CCZ1B: variants seen among roughly 807,000 people sequenced by gnomAD.
The protein encoded by CCZ1B is CCZ1B vacuolar protein trafficking and biogenesis associated.
Under a neutral mutation model 58.8 loss-of-function variants are expected in CCZ1B, and 25 were observed. The observed-to-expected ratio is 0.43, with a 90% confidence interval of 0.31 to 0.59. The LOEUF (loss-of-function observed/expected upper bound fraction) is 0.59, where lower values mean the gene tolerates loss of function less well. Ranked by LOEUF, CCZ1B falls within the 20% of genes least tolerant of loss-of-function variation. The pLI is 0.12. For synonymous variants in CCZ1B, 66 were observed against 173.2 expected (o/e 0.38, Z 4.86); for missense variants, 180 against 501.5 (o/e 0.36, Z 6.12).
chr7:6,810,587 G>A (rs964613003), intron 10 of CCZ1B, among the ~76,000 whole-genome samples: 3 of 147,864 alleles, frequency 2.0e-5, no homozygotes, highest in Non-Finnish European at 4.5e-5. Flanking sequence ...TGAGTAGCTG[G>A]GACTACACAT....
chr7:6,814,280 T>C (rs1326490812), intron 8 of CCZ1B, among the ~76,000 whole-genome samples: 2 of 149,550 alleles, frequency 1.3e-5, no homozygotes, highest in African/African-American at 5.1e-5. Flanking sequence ...CTCACGCCTG[T>C]AATCCTAGCA....
intron 10 of CCZ1B, among the ~76,000 whole-genome samples, chr7:6,808,828 C>A (rs1217324884): frequency 6.6e-6 from 1 of 152,014 alleles, no homozygotes; most frequent in East Asian, 1.9e-4. Context: ...CCTGACTCAG[C>A]CTCCTGAGTA....
chr7:6,817,645 T>C (rs1183595941), intron 7 of CCZ1B, among the ~76,000 whole-genome samples: 1 of 149,878 alleles, frequency 6.7e-6, no homozygotes, highest in African/African-American at 2.5e-5. Flanking sequence ...AGTAACATTG[T>C]GTACATATCA....
At position 6,814,444 on chromosome 7, in the gene CCZ1B, G is replaced by A. The variant is rs961869212; in HGVS notation, c.780+320C>T. ...CCAGGTACTAGGGAGGCCGAGGCAA[G>A]GAGAATTGCTTGAACCTCTCCATCC... On this transcript the variant is annotated intron_variant, in intron 8 of 14. Coordinates refer to ENST00000316731, the MANE Select transcript of CCZ1B (RefSeq NM_198097.5). 1.7e-4 allele frequency among the ~76,000 whole-genome samples: 25 copies of A among 149,704 alleles called. 1 individual carries two copies. The highest frequency in any genetic ancestry group is 5.8e-4 in the African/African-American group (23 of 39,684).
chr7:6,818,289 C>G (rs533910906), intron 7 of CCZ1B, among the ~76,000 whole-genome samples: 1 of 149,840 alleles, frequency 6.7e-6, no homozygotes, highest in Admixed American at 6.6e-5. Context: ...TGGCTCACAC[C>G]TGTAATCGCG....
At chr7:6,825,622 C>T (rs1372011330) in intron 1 of CCZ1B, among the ~76,000 whole-genome samples, 8 of 97,924 alleles carry the variant, frequency 8.2e-5, no homozygotes, top group African/African-American at 3.2e-4. Flanking sequence ...AGAAAGTCGC[C>T]GTCCCCACCT....
intron 11 of CCZ1B, chr7:6,805,629 G>A: frequency 3.8e-6 from 1 of 260,668 alleles, no homozygotes; most frequent in East Asian, 1.1e-4. Flanking sequence ...CTGGGTGTGG[G>A]GGCTCACGCC....
chr7:6,803,823 T>G (rs1176339290), intron 12 of CCZ1B, among the ~76,000 whole-genome samples: 1 of 151,232 alleles, frequency 6.6e-6, no homozygotes, highest in Non-Finnish European at 1.5e-5. Flanking sequence ...TAGCCAGGCA[T>G]GATGGCACCC....
Position 6,819,923 on chromosome 7 carries a change from A to G in CCZ1B, c.541T>C (p.Leu181=), listed in dbSNP as rs747352226. The G allele has an allele frequency of 3.7e-6, 6 of 1,606,116 alleles. No individual in the cohort carries two copies. The African/African-American group carries it at 5.6e-5, about 15-fold the overall frequency. ...FFHRYLQTLH[L]QSCDLLDIFG... ...ATGTCAAGTAGGTCACATGACTGCA[A>G]ATGTAGCGTTTGCAAATACTGTGGA... The change falls in exon 7 of 15, where the codon TTG becomes CTG. Residue 181 remains leucine (L), a synonymous_variant. Coordinates refer to ENST00000316731, the MANE Select transcript of CCZ1B (RefSeq NM_198097.5).
At position 6,813,717 on chromosome 7, in the gene CCZ1B, C is replaced by G. The variant is rs1583552553; in HGVS notation, c.781-680G>C. Reference sequence around the variant, plus strand: ...CTGCAGGAAACCAGGAAATTAAGTACTAGAGTGGAAAGCCAGGTAGGCACT... The same window carrying G: ...CTGCAGGAAACCAGGAAATTAAGTAGTAGAGTGGAAAGCCAGGTAGGCACT... On this transcript the variant is annotated intron_variant, in intron 8 of 14. Transcript: ENST00000316731. 2.7e-5 allele frequency among the ~76,000 whole-genome samples: 4 copies of G among 149,592 alleles called. 1 individual carries two copies. The East Asian group carries it at 7.7e-4, about 29-fold the overall frequency.
At chr7:6,818,561 AAGAC>A (rs1352927696) in intron 7 of CCZ1B, among the ~76,000 whole-genome samples, 3 of 97,240 alleles carry the variant, frequency 3.1e-5, no homozygotes, top group African/African-American at 9.4e-5. Context: ...GAAAGAAAGA[AAGAC>A]AGAAAGAAAG....
intron 9 of CCZ1B, chr7:6,812,449 A>T (rs2115116968): frequency 3.9e-6 from 1 of 255,136 alleles, no homozygotes; most frequent in East Asian, 9.7e-5. Context: ...AGATCGTGCC[A>T]CTGTACTCCA....
rs181368269 is a variant in CCZ1B at position 6,814,063 on chromosome 7, T to C, written c.780+701A>G. Among the ~76,000 whole-genome samples, 4 of 148,798 alleles carry C rather than the reference T, an allele frequency of 2.7e-5. No homozygotes were observed. The East Asian group carries it at 7.7e-4, about 29-fold the overall frequency. The stretch of plus-strand genomic sequence containing the variant: ...TGGGAGCCTGAGGCCGGAGAATTGT[T>C]TGAATCCAGGAAGCGGAAGTTGCAG... On this transcript the variant is annotated intron_variant, in intron 8 of 14. Coordinates refer to ENST00000316731, the MANE Select transcript of CCZ1B (RefSeq NM_198097.5).
intron 7 of CCZ1B, among the ~76,000 whole-genome samples, chr7:6,818,352 C>T (rs1783039854): frequency 6.7e-6 from 1 of 149,582 alleles, no homozygotes; most frequent in Non-Finnish European, 1.5e-5. Context: ...AGTTTAGGAC[C>T]AGCCTGGCCA....
At chr7:6,821,477 G>T (rs1384627470) in intron 6 of CCZ1B, among the ~76,000 whole-genome samples, 2 of 152,424 alleles carry the variant, frequency 1.3e-5, no homozygotes, top group East Asian at 1.9e-4. Flanking sequence ...ACAAAGAAAA[G>T]TAATTCAGAG....
At chr7:6,812,399 G>A (rs1402288228) in intron 9 of CCZ1B, 2 of 330,518 alleles carry the variant, frequency 6.1e-6, no homozygotes, top group East Asian at 6.6e-5. Context: ...TGAGGCAGGG[G>A]AATTGCTTGA....
At chr7:6,813,173 G>T in intron 8 of CCZ1B, 136 bp from the exon 9 acceptor site, 10 of 1,458,958 alleles carry the variant, frequency 6.9e-6, no homozygotes, top group Non-Finnish European at 9.4e-6. Context: ...TTGTTCTGTT[G>T]CCCAGGCTGG....
chr7:6,810,800 T>G (rs1303880466), intron 10 of CCZ1B, among the ~76,000 whole-genome samples: 1 of 149,244 alleles, frequency 6.7e-6, no homozygotes, highest in Non-Finnish European at 1.5e-5. Flanking sequence ...ATTTTTAAAG[T>G]TCTCGTCTGT....
rs548117509 is a variant in CCZ1B, at chr7:6,819,408, G to C, written c.698+358C>G. ...GCACCACCACGCCCAGCTAATTTTT[G>C]TATTTTTAGTAGAGACAGGGTTTCA... On this transcript the variant is annotated intron_variant, in intron 7 of 14. Transcript: ENST00000316731. Among the ~76,000 whole-genome samples the C allele has an allele frequency of 2.1e-4, 31 of 148,386 alleles. 2 individuals are homozygous for C. In the South Asian group the frequency reaches 3.7e-3, roughly 17 times the overall value.
Sources: gnomAD v4.1 joint callset for allele counts (sites outside exome capture counted in the v4.1 genomes callset) on GRCh38, gnomAD v4.1.1 for gene constraint, MANE v1.5 for transcripts, NCBI Gene and HGNC (gene_info 2026-07-23, HGNC 2026-07-21) for gene names.